NR6A1: variants seen among roughly 807,000 people sequenced by gnomAD.
NR6A1 encodes nuclear receptor subfamily 6 group A member 1.
A neutral mutation model predicts 59.1 loss-of-function variants in NR6A1; 7 were observed. The observed-to-expected ratio is 0.12, with a 90% CI of 0.07 to 0.22. The LOEUF is 0.22. Among genes scored for constraint, NR6A1 ranks in the 10% least tolerant of loss-of-function variants. NR6A1 has a pLI of 1.00. For synonymous variants in NR6A1, 243 were observed against 236.1 expected (o/e 1.03, Z -0.27); for missense variants, 468 against 611.6 (o/e 0.77, Z 2.48).
chr9:124,569,875 T>C (rs899793135), intron 2 of NR6A1, among the ~76,000 whole-genome samples: 1 of 152,236 alleles, frequency 6.6e-6, no homozygotes, highest in African/African-American at 2.4e-5. Context: ...TCAGAGGACA[T>C]TTCTAAAAAT....
intron 1 of NR6A1, 146 bp downstream of exon 1, chr9:124,770,874 G>A: frequency 7.2e-6 from 3 of 416,546 alleles, no homozygotes; most frequent in Non-Finnish European, 1.2e-5. Flanking sequence ...CGCGCCAACG[G>A]GGAACGGGGT....
chr9:124,703,439 C>A (rs917761264), intron 2 of NR6A1, among the ~76,000 whole-genome samples: 13 of 151,616 alleles, frequency 8.6e-5, no homozygotes, highest in African/African-American at 2.7e-4. Flanking sequence ...AACTCCTGGC[C>A]TCATGCAATC....
intron 2 of NR6A1, among the ~76,000 whole-genome samples, chr9:124,647,692 A>C (rs1588740803): frequency 6.8e-6 from 1 of 146,112 alleles, no homozygotes; most frequent in South Asian, 2.2e-4. Context: ...ATGCCACTAC[A>C]CTCCAGCCTG....
At chr9:124,768,835 T>C (rs1841017524) in intron 1 of NR6A1, among the ~76,000 whole-genome samples, 1 of 152,242 alleles carries the variant, frequency 6.6e-6, no homozygotes, top group Non-Finnish European at 1.5e-5. Context: ...GAAAGCAATA[T>C]TGCAGTAAAT....
chr9:124,608,215 T>C (rs889392042), intron 2 of NR6A1, among the ~76,000 whole-genome samples: 1 of 152,214 alleles, frequency 6.6e-6, no homozygotes, highest in African/African-American at 2.4e-5. Flanking sequence ...ATGTGTGCCA[T>C]GGTGATTTGC....
chr9:124,732,401 T>C (rs1243400964), intron 2 of NR6A1, among the ~76,000 whole-genome samples: 1 of 152,238 alleles, frequency 6.6e-6, no homozygotes, highest in African/African-American at 2.4e-5. Flanking sequence ...ATTATGACTA[T>C]GTGTCCCAGA....
rs374438770 is a variant in NR6A1 at position 124,534,535 on chromosome 9, A to G, written c.1079+1343T>C. On this transcript the variant is annotated intron_variant, in intron 7 of 9. Coordinates refer to ENST00000487099, the MANE Select transcript of NR6A1 (RefSeq NM_033334.4). ...CCCCAGAACAGCAGGGAGACAACCC[A>G]CTCTGGACAGGGAGGTTTTAAGGAT... Among the ~76,000 whole-genome samples, 14 of 152,264 alleles carry G rather than the reference A, an allele frequency of 9.2e-5. No homozygotes were observed. In the South Asian group the frequency reaches 2.5e-3, roughly 27 times the overall value.
intron 2 of NR6A1, among the ~76,000 whole-genome samples, chr9:124,648,322 A>AC (rs1399355538): frequency 6.6e-6 from 1 of 152,138 alleles, no homozygotes; most frequent in Non-Finnish European, 1.5e-5. Flanking sequence ...ACATAGCGAG[A>AC]CCCCATCTCT....
At chr9:124,528,769 GA>G (rs915197301) in intron 7 of NR6A1, among the ~76,000 whole-genome samples, 1 of 149,772 alleles carries the variant, frequency 6.7e-6, no homozygotes, top group Non-Finnish European at 1.5e-5. Flanking sequence ...ACCTAAAAAA[GA>G]AAAAAAACAA....
chr9:124,734,692 C>CA, intron 1 of NR6A1, among the ~76,000 whole-genome samples: 1 of 151,686 alleles, frequency 6.6e-6, no homozygotes, highest in South Asian at 2.1e-4. Context: ...GACGCTGTCT[C>CA]AAAAAATAAA....
intron 2 of NR6A1, among the ~76,000 whole-genome samples, chr9:124,700,290 G>A (rs1838899729): frequency 6.6e-6 from 1 of 151,998 alleles, no homozygotes; most frequent in South Asian, 2.1e-4. Context: ...CGTCTCCCAG[G>A]TTCAAGTGAT....
chr9:124,744,113 A>C (rs947587422), intron 1 of NR6A1, among the ~76,000 whole-genome samples: 3 of 152,064 alleles, frequency 2.0e-5, no homozygotes, highest in Non-Finnish European at 4.4e-5. Flanking sequence ...GGTGGCATGC[A>C]CCTATAGTCC....
chr9:124,681,395 G>A (rs1283492490), intron 2 of NR6A1, among the ~76,000 whole-genome samples: 1 of 145,880 alleles, frequency 6.9e-6, no homozygotes, highest in African/African-American at 2.6e-5. Flanking sequence ...AGGCTGGAGT[G>A]CAATGGTATG....
At chr9:124,558,459 C>G (rs902425117) in intron 2 of NR6A1, among the ~76,000 whole-genome samples, 3 of 152,008 alleles carry the variant, frequency 2.0e-5, no homozygotes, top group Non-Finnish European at 4.4e-5. Context: ...AAGAAAGGCT[C>G]TCTCCAGATC....
At chr9:124,596,921 T>G (rs1316944329) in intron 2 of NR6A1, among the ~76,000 whole-genome samples, 10 of 152,236 alleles carry the variant, frequency 6.6e-5, no homozygotes, top group Non-Finnish European at 2.9e-5. Context: ...TAAATGCTTT[T>G]TAACTGTGTA....
chr9:124,739,065 A>G (rs1368549356), intron 1 of NR6A1, among the ~76,000 whole-genome samples: 3 of 149,866 alleles, frequency 2.0e-5, no homozygotes, highest in South Asian at 2.1e-4. Context: ...GCAGGTGCCT[A>G]TAAGCCCAGC....
In NR6A1 at chr9:124,538,075, G is replaced by T. The variant is rs2131350358; in HGVS notation, c.824+17C>A. ...CTTTGAGACTGCAAGGGGCCAAGAA[G>T]GGCGGAGCTCACTCACCCATCTTCA... On this transcript the variant is annotated intron_variant, in intron 6 of 9. Coordinates refer to ENST00000487099, the MANE Select transcript of NR6A1 (RefSeq NM_033334.4). 1 of 1,588,968 alleles carries T rather than the reference G, an allele frequency of 6.3e-7. No homozygotes were observed. The highest frequency in any genetic ancestry group is 8.6e-7 in the Non-Finnish European group (1 of 1,166,092).
chr9:124,566,512 T>C (rs935665180), intron 2 of NR6A1, among the ~76,000 whole-genome samples: 18 of 152,244 alleles, frequency 1.2e-4, no homozygotes, highest in African/African-American at 4.1e-4. Flanking sequence ...GCATAGAATA[T>C]TGATGTTGCA....
intron 8 of NR6A1, among the ~76,000 whole-genome samples, chr9:124,525,523 T>A (rs963622973): frequency 4.6e-5 from 7 of 152,032 alleles, no homozygotes; most frequent in Non-Finnish European, 8.8e-5. Context: ...GCTCAACTAA[T>A]TTTTTAAATT....
Sources: allele counts gnomAD v4.1 joint callset (sites outside exome capture counted in the v4.1 genomes callset), GRCh38; gene constraint gnomAD v4.1.1; transcripts MANE v1.5; gene names NCBI Gene and HGNC (gene_info 2026-07-23, HGNC 2026-07-21).